Variants in GPR21 observed in about 807,000 individuals in gnomAD.
GPR21 encodes G protein-coupled receptor 21.
A neutral mutation model predicts 21.5 loss-of-function variants in GPR21; 9 were observed. The observed-to-expected ratio is 0.42, with a 90% CI of 0.25 to 0.73. The LOEUF (loss-of-function observed/expected upper bound fraction) is 0.73, where lower values mean the gene tolerates loss of function less well. Among genes scored for constraint, GPR21 ranks in the 30% least tolerant of loss-of-function variants. The pLI, the probability that GPR21 is intolerant of heterozygous loss-of-function variation, is 0.27. For missense variants in GPR21, 416 were observed against 428.9 expected (o/e 0.97, Z 0.27); for synonymous variants, 169 against 159.3 (o/e 1.06, Z -0.46).
Position 123,034,343 on chromosome 9 carries a change from G to A in GPR21, c.-224G>A, listed in dbSNP as rs995410170. The A allele has an allele frequency of 3.5e-6, 2 of 563,906 alleles. No homozygotes were observed. The highest frequency in any genetic ancestry group is 6.2e-6 in the Non-Finnish European group (2 of 322,546). 34.9% of individuals were successfully genotyped at this position (563,906 alleles called of 1,614,324 possible). ...TGGCACTATGGCCGCGTCTGGGACT[G>A]GCCAGACAACTGCTGCTGGCTCTCC... On this transcript the variant is annotated 5_prime_UTR_variant, in exon 2 of 2. Coordinates refer to ENST00000616002, the MANE Select transcript of GPR21 (RefSeq NM_005294.3).
the GPR21 span, among the ~76,000 whole-genome samples, chr9:123,047,286 A>G: frequency 6.6e-6 from 1 of 152,212 alleles, no homozygotes; most frequent in Non-Finnish European, 1.5e-5. Context: ...GTATTTCTAG[A>G]ATTCTTTCAT....
At chr9:123,037,696 A>G (rs2032734029), downstream of GPR21, among the ~76,000 whole-genome samples, 1 of 152,232 alleles carries the variant, frequency 6.6e-6, no homozygotes, top group South Asian at 2.1e-4. Flanking sequence ...AAAAATTGAT[A>G]TTAAATCAGC....
chr9:123,040,343 A>T (rs1341608312), downstream of GPR21, among the ~76,000 whole-genome samples: 1 of 152,284 alleles, frequency 6.6e-6, no homozygotes, highest in East Asian at 1.9e-4. Flanking sequence ...AGTCTTCTCT[A>T]TTAGCAGATA....
At chr9:123,045,191 A>G in the GPR21 span, among the ~76,000 whole-genome samples, 5 of 152,364 alleles carry the variant, frequency 3.3e-5, no homozygotes, top group South Asian at 6.2e-4. Context: ...TGTTAAGGCA[A>G]TATTTTGGGG....
downstream of GPR21, among the ~76,000 whole-genome samples, chr9:123,040,347 G>A (rs1345193097): frequency 5.3e-5 from 8 of 152,158 alleles, no homozygotes; most frequent in African/African-American, 2.4e-5. Context: ...TTCTCTATTA[G>A]CAGATATTTA....
chr9:123,041,872 A>G, the GPR21 span, among the ~76,000 whole-genome samples: 1 of 152,224 alleles, frequency 6.6e-6, no homozygotes, highest in African/African-American at 2.4e-5. Flanking sequence ...AAAACAGAGT[A>G]ATTGATAGAA....
Position 123,034,513 on chromosome 9 carries a change from T to G in GPR21, c.-54T>G. On this transcript the variant is annotated 5_prime_UTR_variant, in exon 2 of 2. Coordinates refer to ENST00000616002, the MANE Select transcript of GPR21 (RefSeq NM_005294.3). ...AATGACAGCAGCTGCTTCTTTGAAC[T>G]GTTGGCAGCAGCCAAGCGGCAGCAT... 8.8e-7 allele frequency: 1 copy of G among 1,136,440 alleles called. No homozygotes were observed. Among genetic ancestry groups the G allele is most frequent in the Non-Finnish European group, 1.3e-6 (1 of 784,012 alleles). The allele number at this position is 1,136,440 out of a possible 1,614,324, so 70.4% of individuals were successfully genotyped here. A position where few individuals can be genotyped will look rare whatever the true frequency, so the allele number is the denominator to read the frequency against.
chr9:123,044,872 C>T, the GPR21 span, among the ~76,000 whole-genome samples: 1 of 152,106 alleles, frequency 6.6e-6, no homozygotes, highest in African/African-American at 2.4e-5. Context: ...AGACCCCCTC[C>T]TTGAATGAGA....
In GPR21 at chr9:123,035,624, C is replaced by G. The variant is rs746022653; in HGVS notation, c.*8C>G. ...AATGGATGTCATATCTGAAGTGGCTCAGTTACGGGGTTCCCGTGTGTGTGT... is the reference window on the plus strand; with the variant it reads ...AATGGATGTCATATCTGAAGTGGCTGAGTTACGGGGTTCCCGTGTGTGTGT... On this transcript the variant is annotated 3_prime_UTR_variant, in exon 2 of 2. Transcript: ENST00000616002. 1 of 1,515,168 alleles carries G rather than the reference C, an allele frequency of 6.6e-7. No individual in the cohort carries two copies. The highest frequency in any genetic ancestry group is 1.2e-5 in the South Asian group (1 of 82,060). The allele number at this position is 1,515,168 out of a possible 1,614,324, so 93.9% of individuals were successfully genotyped here. A position where few individuals can be genotyped will look rare whatever the true frequency, so the allele number is the denominator to read the frequency against.
chr9:123,035,252 AAGC>A lies in GPR21; in HGVS notation c.687_689del (p.Gln229_Ala230delinsHis). ...CACACAAAGGATATCAGCGAAAGGCAAGCCCGCTTCAGCAGCCAGAGTGGGGAG... is the reference window on the plus strand; with the variant it reads ...CACACAAAGGATATCAGCGAAAGGCACCGCTTCAGCAGCCAGAGTGGGGAG... On this transcript the variant is annotated inframe_deletion, in exon 2 of 2. Transcript: ENST00000616002. 2.5e-6 allele frequency: 4 copies of A among 1,614,192 alleles called. No homozygotes were observed. Among genetic ancestry groups the A allele is most frequent in the Non-Finnish European group, 3.4e-6 (4 of 1,180,020 alleles).
At chr9:123,043,417 T>C in the GPR21 span, among the ~76,000 whole-genome samples, 2 of 152,190 alleles carry the variant, frequency 1.3e-5, no homozygotes, top group East Asian at 3.9e-4. Flanking sequence ...TTTAGTTTTG[T>C]GAGATTTTTA....
the GPR21 span, among the ~76,000 whole-genome samples, chr9:123,047,823 C>CTGT: frequency 6.9e-4 from 103 of 149,158 alleles, no homozygotes; most frequent in Middle Eastern, 0.014. Flanking sequence ...ACTGATGGAG[C>CTGT]TGTTACATGA....
chr9:123,035,182 A>G lies in GPR21; in HGVS notation c.616A>G (p.Ile206Val), dbSNP rs2032558288. 1.9e-6 allele frequency: 3 copies of G among 1,613,816 alleles called. No homozygotes were observed. The highest frequency in any genetic ancestry group is 2.2e-5 in the East Asian group (1 of 44,888). Residue 206 changes from isoleucine to valine, a missense_variant, in exon 2 of 2, where the codon ATT becomes GTT. By Grantham distance (29) the Ile-to-Val change is conservative (BLOSUM62 3). Transcript: ENST00000616002. The stretch of plus-strand genomic sequence containing the variant: ...GATGTTATATGCCCCAGCAGCCCTT[A>G]TTGTCTGCTTCACCTATTTCAACAT... ...VMMLYAPAAL[I>V]VCFTYFNIFR...
rs2131991595 is a variant in GPR21 at position 123,034,632 on chromosome 9, G to T, written c.66G>T (p.Leu22Phe). Reference protein sequence around the residue: ...HPFCLLAFGYLETVNFCLLEV... With the variant: ...HPFCLLAFGYFETVNFCLLEV... The stretch of plus-strand genomic sequence containing the variant: ...TTTGCCTCTTGGCATTTGGCTATTT[G>T]GAAACTGTCAATTTTTGCCTTTTGG... Residue 22 changes from leucine to phenylalanine, a missense_variant, in exon 2 of 2, where the codon TTG becomes TTT. Leu to Phe is a conservative substitution (Grantham distance 22). Coordinates refer to ENST00000616002, the MANE Select transcript of GPR21 (RefSeq NM_005294.3). 6.2e-7 allele frequency: 1 copy of T among 1,613,780 alleles called. No homozygotes were observed. Among genetic ancestry groups the T allele is most frequent in the East Asian group, 2.2e-5 (1 of 44,888 alleles).
the GPR21 span, among the ~76,000 whole-genome samples, chr9:123,043,214 C>T: frequency 6.6e-6 from 1 of 152,136 alleles, no homozygotes; most frequent in African/African-American, 2.4e-5. Flanking sequence ...TAAAGAGATA[C>T]AGAATCCAGG....
At chr9:123,047,936 T>G in the GPR21 span, among the ~76,000 whole-genome samples, 42 of 80,862 alleles carry the variant, frequency 5.2e-4, no homozygotes, top group Middle Eastern at 4.2e-3. Context: ...TTTTTTTTTT[T>G]TTTTTTTTTT....
At chr9:123,045,823 T>A in the GPR21 span, among the ~76,000 whole-genome samples, 1 of 152,208 alleles carries the variant, frequency 6.6e-6, no homozygotes, top group South Asian at 2.1e-4. Context: ...CAAAATGGGA[T>A]AATACTACCT....
At chr9:123,045,055 A>G in the GPR21 span, among the ~76,000 whole-genome samples, 1 of 152,228 alleles carries the variant, frequency 6.6e-6, no homozygotes, top group Non-Finnish European at 1.5e-5. Context: ...TACTTAATGA[A>G]AGATTTGTTG....
Position 123,034,637 on chromosome 9 carries a change from CTG to C in GPR21, c.73_74del (p.Val25GlnfsTer50). Reference sequence around the variant, plus strand: ...CTCTTGGCATTTGGCTATTTGGAAACTGTCAATTTTTGCCTTTTGGAAGTATT... The same window carrying C: ...CTCTTGGCATTTGGCTATTTGGAAACTCAATTTTTGCCTTTTGGAAGTATT... On this transcript the variant is annotated frameshift_variant, in exon 2 of 2. Coordinates refer to ENST00000616002, the MANE Select transcript of GPR21 (RefSeq NM_005294.3). LOFTEE classifies it high-confidence loss of function. 6.2e-7 allele frequency: 1 copy of C among 1,613,672 alleles called. No individual in the cohort carries two copies. The highest frequency in any genetic ancestry group is 8.5e-7 in the Non-Finnish European group (1 of 1,179,600).
Sources: allele counts gnomAD v4.1 joint callset (sites outside exome capture counted in the v4.1 genomes callset), GRCh38; gene constraint gnomAD v4.1.1; transcripts MANE v1.5; gene names NCBI Gene and HGNC (gene_info 2026-07-23, HGNC 2026-07-21).